Variants in NDUFAF5 observed in about 807,000 individuals in gnomAD.
NDUFAF5 encodes NADH:ubiquinone oxidoreductase complex assembly factor 5.
In NDUFAF5, 34 loss-of-function variants were observed where a neutral mutation model predicts 48.9. The observed-to-expected ratio is 0.70, with a 90% confidence interval of 0.53 to 0.93. The LOEUF (loss-of-function observed/expected upper bound fraction) is 0.93, where lower values mean the gene tolerates loss of function less well. NDUFAF5 is among the 40% of genes least tolerant of loss of function. NDUFAF5 has a pLI of 0.00. For missense variants in NDUFAF5, 428 were observed against 427.5 expected (o/e 1.00, Z -0.01); for synonymous variants, 153 against 150.6 (o/e 1.02, Z -0.12).
chr20:13,785,342 TTCCTC>T (rs1278758149), intron 1 of NDUFAF5, 52 bp downstream of exon 1: 25 of 1,337,116 alleles, frequency 1.9e-5, no homozygotes, highest in Non-Finnish European at 2.5e-5. Flanking sequence ...GAGGCTTGTT[TTCCTC>T]TCCGCTAGTT....
intron 10 of NDUFAF5, 73 bp from the exon 11 acceptor site, chr20:13,817,045 A>G (rs1397592323): frequency 1.3e-6 from 2 of 1,539,702 alleles, no homozygotes; most frequent in Non-Finnish European, 9.0e-7. Flanking sequence ...AATGTAAGAC[A>G]GCATTAAGGG....
At position 13,818,079 on chromosome 20, in the gene NDUFAF5, C is replaced by G. The variant is rs750089770; in HGVS notation, c.*869C>G. On this transcript the variant is annotated 3_prime_UTR_variant, in exon 11 of 11. Transcript: ENST00000378106. ...GCACTGCCCTAGCCTCATCTTCAGC[C>G]TTCAGTGATCTATAATAGCATTTCC... 6 of 453,944 alleles carry G rather than the reference C, an allele frequency of 1.3e-5. No individual in the cohort carries two copies. Among genetic ancestry groups the G allele is most frequent in the South Asian group, 9.3e-5 (6 of 64,474 alleles). The allele number at this position is 453,944 out of a possible 1,614,324, so 28.1% of individuals were successfully genotyped here.
At chr20:13,790,725 C>T (rs1353345316) in intron 3 of NDUFAF5, among the ~76,000 whole-genome samples, 1 of 152,186 alleles carries the variant, frequency 6.6e-6, no homozygotes, top group Non-Finnish European at 1.5e-5. Context: ...TCCTTTCACT[C>T]CCAACTTTTC....
At chr20:13,795,370 A>G (rs1449671138) in intron 5 of NDUFAF5, among the ~76,000 whole-genome samples, 1 of 152,182 alleles carries the variant, frequency 6.6e-6, no homozygotes, top group Non-Finnish European at 1.5e-5. Flanking sequence ...TGGGGGAAAA[A>G]AAAGTTGAGG....
intron 8 of NDUFAF5, among the ~76,000 whole-genome samples, chr20:13,814,842 G>A (rs1986280215): frequency 6.6e-6 from 1 of 152,172 alleles, no homozygotes; most frequent in African/African-American, 2.4e-5. Context: ...AACTGGGAGT[G>A]TGATCCCAAA....
At chr20:13,799,357 T>C (rs989022628) in intron 6 of NDUFAF5, among the ~76,000 whole-genome samples, 2 of 152,194 alleles carry the variant, frequency 1.3e-5, no homozygotes, top group Non-Finnish European at 2.9e-5. Flanking sequence ...CTCTGTTTTA[T>C]ATTTGTGTTA....
chr20:13,803,126 T>C (rs1984462657), intron 7 of NDUFAF5: 1 of 152,216 alleles, frequency 6.6e-6, no homozygotes, highest in Admixed American at 6.5e-5. Flanking sequence ...ATAGATTGTG[T>C]CATATCCTTC....
intron 3 of NDUFAF5, among the ~76,000 whole-genome samples, chr20:13,789,998 G>C (rs1982009080): frequency 6.6e-6 from 1 of 152,186 alleles, no homozygotes; most frequent in Non-Finnish European, 1.5e-5. Flanking sequence ...TCTGACCTGG[G>C]ATTTGAAAGA....
At position 13,814,451 on chromosome 20, in the gene NDUFAF5, A is replaced by G. The variant is rs190261451; in HGVS notation, c.779-2012A>G. On this transcript the variant is annotated intron_variant, in intron 8 of 10. Transcript: ENST00000378106. ...TCCAGAATGTTGACCTAATTTTACA[A>G]AACAAGCTGCATATCAGCTGATGAA... The G allele has an allele frequency of 2.1e-4, 275 of 1,289,262 alleles. No homozygotes were observed. In the African/African-American group the frequency reaches 3.9e-3, roughly 18 times the overall value. 79.9% of individuals were successfully genotyped at this position (1,289,262 alleles called of 1,614,324 possible).
chr20:13,817,209 AAAT>A lies in NDUFAF5; in HGVS notation c.*1_*3del. 6.2e-7 allele frequency: 1 copy of A among 1,607,730 alleles called. No individual in the cohort carries two copies. The highest frequency in any genetic ancestry group is 1.1e-5 in the South Asian group (1 of 90,926). The stretch of plus-strand genomic sequence containing the variant: ...ATGCCACCGGGGAAAAAATCACAAT[AAAT>A]ATTTATTCAGTGTTAATGTCGTCCA... On this transcript the variant is annotated stop_retained_variant and 3_prime_UTR_variant, in exon 11 of 11. Coordinates refer to ENST00000378106, the MANE Select transcript of NDUFAF5 (RefSeq NM_024120.5).
intron 8 of NDUFAF5, 50 bp from the exon 9 acceptor site, chr20:13,816,413 G>C (rs1173796506): frequency 5.4e-6 from 7 of 1,287,718 alleles, no homozygotes; most frequent in South Asian, 3.6e-5. Flanking sequence ...GTATTGAGCT[G>C]TTCAGGGTGT....
chr20:13,798,638 C>T (rs1202068155), intron 6 of NDUFAF5, 138 bp downstream of exon 6: 1 of 734,290 alleles, frequency 1.4e-6, no homozygotes, highest in East Asian at 2.7e-5. Context: ...CATCTGGTGC[C>T]ATTTGGCATA....
intron 6 of NDUFAF5, among the ~76,000 whole-genome samples, chr20:13,799,349 C>G (rs957578809): frequency 6.6e-6 from 1 of 152,130 alleles, no homozygotes; most frequent in Non-Finnish European, 1.5e-5. Flanking sequence ...TTACTGTGCT[C>G]TGTTTTATAT....
intron 7 of NDUFAF5, among the ~76,000 whole-genome samples, chr20:13,805,587 AT>A (rs1033260626): frequency 6.6e-6 from 1 of 152,138 alleles, no homozygotes; most frequent in African/African-American, 2.4e-5. Context: ...GTCTTCTTGA[AT>A]CATTACATTT....
At chr20:13,808,464 A>G (rs950615505) in intron 7 of NDUFAF5, among the ~76,000 whole-genome samples, 1 of 152,136 alleles carries the variant, frequency 6.6e-6, no homozygotes, top group Admixed American at 6.5e-5. Context: ...AAAGATTGAT[A>G]TTGACACTGT....
intron 8 of NDUFAF5, 46 bp from the exon 9 acceptor site, chr20:13,816,417 A>G (rs1377008203): frequency 7.6e-7 from 1 of 1,321,002 alleles, no homozygotes; most frequent in Admixed American, 1.7e-5. Flanking sequence ...TGAGCTGTTC[A>G]GGGTGTTTGC....
chr20:13,785,058 C>G lies in NDUFAF5; in HGVS notation c.-11C>G, dbSNP rs375334127. The G allele has an allele frequency of 1.2e-6, 2 of 1,607,160 alleles. No homozygotes were observed. The highest frequency in any genetic ancestry group is 1.7e-6 in the Non-Finnish European group (2 of 1,178,080). ...CACAAAAAGCGCCGGCAATTGGGGTCGCAGCTGGAGATGCTGCGGCCGGCA... is the reference window on the plus strand; with the variant it reads ...CACAAAAAGCGCCGGCAATTGGGGTGGCAGCTGGAGATGCTGCGGCCGGCA... On this transcript the variant is annotated 5_prime_UTR_variant, in exon 1 of 11. Coordinates refer to ENST00000378106, the MANE Select transcript of NDUFAF5 (RefSeq NM_024120.5).
intron 8 of NDUFAF5, among the ~76,000 whole-genome samples, chr20:13,814,811 C>T (rs1247579833): frequency 6.6e-6 from 1 of 152,076 alleles, no homozygotes; most frequent in East Asian, 1.9e-4. Context: ...ATGACTTTGC[C>T]CCAGGTTATA....
chr20:13,793,463 C>T (rs1982663738), intron 4 of NDUFAF5, among the ~76,000 whole-genome samples: 1 of 151,908 alleles, frequency 6.6e-6, no homozygotes, highest in Non-Finnish European at 1.5e-5. Flanking sequence ...ACTGTCCCCG[C>T]CCCCCCAACA....
Sources: gnomAD v4.1 joint callset for allele counts (sites outside exome capture counted in the v4.1 genomes callset) on GRCh38, gnomAD v4.1.1 for gene constraint, MANE v1.5 for transcripts, NCBI Gene and HGNC (gene_info 2026-07-23, HGNC 2026-07-21) for gene names.